Variants in LRP5 observed in about 807,000 individuals in gnomAD.
LRP5 encodes the protein LDL receptor related protein 5, also known as low-density lipoprotein receptor-related protein 5.
LRP5 carries 62 observed loss-of-function variants against 154.1 expected under a neutral mutation model. The ratio of observed to expected loss-of-function variants is 0.40; its 90% CI spans 0.33 to 0.50. The LOEUF (loss-of-function observed/expected upper bound fraction) is 0.50, where lower values mean the gene tolerates loss of function less well. Among genes scored for constraint, LRP5 ranks in the 20% least tolerant of loss-of-function variants. The probability of loss-of-function intolerance (pLI) is 0.55; values close to 1 mark genes in which losing one functional copy is unlikely to be tolerated. For synonymous variants in LRP5, 966 were observed against 1,011.5 expected, an observed-to-expected ratio of 0.96 and a Z score of 0.85; for missense variants, 1,915 against 2,336.7, an observed-to-expected ratio of 0.82 and a Z score of 3.72.
intron 5 of LRP5, among the ~76,000 whole-genome samples, chr11:68,373,614 C>T (rs1452243603): frequency 2.0e-5 from 3 of 152,228 alleles, no homozygotes; most frequent in African/African-American, 7.2e-5. Context: ...AGCTCAGAGT[C>T]ACTCTCATCC....
chr11:68,406,296 C>T (rs1175723157), intron 8 of LRP5, among the ~76,000 whole-genome samples: 3 of 152,194 alleles, frequency 2.0e-5, no homozygotes, highest in East Asian at 1.9e-4. Context: ...AAGCTGTGCA[C>T]ATTGGAGCTT....
chr11:68,411,367 C>A, intron 10 of LRP5, 69 bp from the exon 11 acceptor site: 1 of 1,546,308 alleles, frequency 6.5e-7, no homozygotes, highest in South Asian at 1.1e-5. Context: ...AGTTGCGTCC[C>A]CCCGCCACCC....
At chr11:68,398,006 G>GTGTGTT (rs2098650481) in intron 7 of LRP5, among the ~76,000 whole-genome samples, 1 of 151,928 alleles carries the variant, frequency 6.6e-6, no homozygotes, top group African/African-American at 2.4e-5. Flanking sequence ...GTGTGTGTGT[G>GTGTGTT]TGTTTGCGTG....
At chr11:68,370,494 G>T (rs567417563) in intron 5 of LRP5, among the ~76,000 whole-genome samples, 3 of 152,274 alleles carry the variant, frequency 2.0e-5, no homozygotes, top group African/African-American at 7.2e-5. Flanking sequence ...GGGCTCTGTG[G>T]CATGGAGCTG....
intron 7 of LRP5, among the ~76,000 whole-genome samples, chr11:68,398,742 AAAT>A (rs1202431045): frequency 6.6e-6 from 1 of 151,552 alleles, no homozygotes; most frequent in Non-Finnish European, 1.5e-5. Flanking sequence ...CAGTGTCCAT[AAAT>A]AATTTCTTGA....
chr11:68,403,390 G>A (rs1442297249), intron 7 of LRP5, 93 bp from the exon 8 acceptor site: 6 of 1,117,366 alleles, frequency 5.4e-6, no homozygotes, highest in Non-Finnish European at 8.0e-6. Flanking sequence ...AACCCGTCTT[G>A]TTTGGGGCAG....
chr11:68,391,357 TG>T (rs1455988885), intron 7 of LRP5, among the ~76,000 whole-genome samples: 1 of 152,230 alleles, frequency 6.6e-6, no homozygotes, highest in Admixed American at 6.5e-5. Flanking sequence ...GAGGTGACAT[TG>T]GTGCCTCTCC....
At chr11:68,315,415 GTAGT>G (rs1053733514) in intron 1 of LRP5, among the ~76,000 whole-genome samples, 11 of 152,398 alleles carry the variant, frequency 7.2e-5, no homozygotes, top group South Asian at 4.1e-4. Flanking sequence ...GGGGGCAGGA[GTAGT>G]TAGTTAGCAC....
In LRP5 at chr11:68,449,087, C is replaced by A; in HGVS notation, c.*17C>A. The A allele has an allele frequency of 6.6e-7, 1 of 1,520,680 alleles. No homozygotes were observed. The highest frequency in any genetic ancestry group is 1.3e-5 in the South Asian group (1 of 79,690). The allele number at this position is 1,520,680 out of a possible 1,614,324, so 94.2% of individuals were successfully genotyped here. A position where few individuals can be genotyped will look rare whatever the true frequency, so the allele number is the denominator to read the frequency against. On this transcript the variant is annotated 3_prime_UTR_variant, in exon 23 of 23. Coordinates refer to ENST00000294304, the MANE Select transcript of LRP5 (RefSeq NM_002335.4). ...TCATCCTGACCTCGGCCGGGCCACT[C>A]TGGCTTCTCTGTGCCCCTGTAAATA...
intron 16 of LRP5, among the ~76,000 whole-genome samples, chr11:68,429,120 G>A (rs2098670534): frequency 6.7e-6 from 1 of 148,348 alleles, no homozygotes; most frequent in South Asian, 2.2e-4. Flanking sequence ...AGGCATGGTG[G>A]TGCATGCCTG....
At chr11:68,441,850 C>T (rs933976418) in intron 21 of LRP5, among the ~76,000 whole-genome samples, 5 of 152,204 alleles carry the variant, frequency 3.3e-5, no homozygotes, top group East Asian at 1.9e-4. Flanking sequence ...AATTTTAGAA[C>T]ATTTTCCTGC....
chr11:68,442,968 A>G (rs2098678980), intron 21 of LRP5, among the ~76,000 whole-genome samples: 1 of 151,964 alleles, frequency 6.6e-6, no homozygotes, highest in African/African-American at 2.4e-5. Context: ...CTGGGCCCCC[A>G]CTGGAGGGCA....
chr11:68,334,626 G>C (rs2098604645), intron 1 of LRP5, among the ~76,000 whole-genome samples: 1 of 152,128 alleles, frequency 6.6e-6, no homozygotes, highest in South Asian at 2.1e-4. Flanking sequence ...TGTAATTCCA[G>C]CACTTTGGGA....
chr11:68,316,979 G>T (rs1218679819), intron 1 of LRP5, among the ~76,000 whole-genome samples: 1 of 152,264 alleles, frequency 6.6e-6, no homozygotes, highest in Non-Finnish European at 1.5e-5. Context: ...AGGCCCTGGC[G>T]GGAGCCGGGG....
chr11:68,435,257 G>A (rs1310492673), intron 18 of LRP5, among the ~76,000 whole-genome samples: 3 of 152,204 alleles, frequency 2.0e-5, no homozygotes, highest in African/African-American at 4.8e-5. Flanking sequence ...TGCAGGAGCC[G>A]TGGTTAGGAA....
intron 9 of LRP5, among the ~76,000 whole-genome samples, chr11:68,408,321 A>G (rs1457693089): frequency 6.7e-6 from 1 of 149,308 alleles, no homozygotes; most frequent in African/African-American, 2.5e-5. Flanking sequence ...TCCTAGGCTC[A>G]AACACCCACC....
chr11:68,378,308 C>T (rs1265140382), intron 5 of LRP5, among the ~76,000 whole-genome samples: 3 of 152,154 alleles, frequency 2.0e-5, no homozygotes, highest in Admixed American at 2.0e-4. Flanking sequence ...CGCTGGGCGA[C>T]GGTGTGCTGG....
intron 21 of LRP5, chr11:68,445,451 AAAACAG>A: frequency 1.5e-5 from 6 of 408,758 alleles, no homozygotes; most frequent in South Asian, 4.1e-5. Flanking sequence ...AGAAGGTGGT[AAAACAG>A]GACTTCACCC....
At chr11:68,435,466 GT>G (rs1317311032) in intron 18 of LRP5, among the ~76,000 whole-genome samples, 1 of 145,656 alleles carries the variant, frequency 6.9e-6, no homozygotes, top group African/African-American at 2.7e-5. Flanking sequence ...GCATCACATG[GT>G]GAGAGAGGGA....
Sources: gnomAD v4.1 joint callset for allele counts (sites outside exome capture counted in the v4.1 genomes callset) on GRCh38, gnomAD v4.1.1 for gene constraint, MANE v1.5 for transcripts, NCBI Gene and HGNC (gene_info 2026-07-23, HGNC 2026-07-21) for gene names.